The following NSUN6 variants were observed in gnomAD, a reference collection of about 807,000 sequenced individuals.
NSUN6 encodes the protein tRNA (cytosine(72)-C(5))-methyltransferase NSUN6.
Under a neutral mutation model 58.0 loss-of-function variants are expected in NSUN6, and 64 were observed. The observed-to-expected ratio is 1.10, with a 90% CI of 0.90 to 1.36. The LOEUF (loss-of-function observed/expected upper bound fraction) is 1.36. NSUN6 is among the 40% of genes most tolerant of loss of function. NSUN6 has a pLI of 0.00. For missense variants in NSUN6, 701 were observed against 550.1 expected (o/e 1.27, Z -2.74); for synonymous variants, 231 against 193.9 (o/e 1.19, Z -1.59).
rs1361304088 is a variant in NSUN6 at position 18,616,166 on chromosome 10, T to G, written c.421+18A>C. 1.5e-6 allele frequency: 2 copies of G among 1,328,182 alleles called. No individual in the cohort carries two copies. The highest frequency in any genetic ancestry group is 2.2e-6 in the Non-Finnish European group (2 of 926,392). The allele number at this position is 1,328,182 out of a possible 1,614,324, so 82.3% of individuals were successfully genotyped here. ...AATTTTAGAGAACCTTAAAGACAAATCTAAACATTATACTTACATTGTGAT... is the reference window on the plus strand; with the variant it reads ...AATTTTAGAGAACCTTAAAGACAAAGCTAAACATTATACTTACATTGTGAT... On this transcript the variant is annotated intron_variant, in intron 4 of 10. Transcript: ENST00000377304.
rs2131599691 is a variant in NSUN6 at position 18,648,656 on chromosome 10, G to GAAA, written c.76-12_76-11insTTT. On this transcript the variant is annotated splice_polypyrimidine_tract_variant and intron_variant, in intron 1 of 10. Transcript: ENST00000377304. ...TAAAGCAGTCACAATCTAAAAAGAAGTTCATGTTTAAATTTCCTGAGAATT... is the reference window on the plus strand; with the variant it reads ...TAAAGCAGTCACAATCTAAAAAGAAGAAATTCATGTTTAAATTTCCTGAGAATT... 1.9e-6 allele frequency: 3 copies of GAAA among 1,550,168 alleles called. No homozygotes were observed. Among genetic ancestry groups the GAAA allele is most frequent in the Non-Finnish European group, 2.7e-6 (3 of 1,127,356 alleles).
At chr10:18,583,261 A>G (rs946316767) in intron 8 of NSUN6, among the ~76,000 whole-genome samples, 8 of 152,080 alleles carry the variant, frequency 5.3e-5, no homozygotes, top group African/African-American at 1.7e-4. Flanking sequence ...CTTTTACCGT[A>G]ATTTGCCATT....
chr10:18,553,845 AGAATG>A (rs963157657), intron 8 of NSUN6, among the ~76,000 whole-genome samples: 22 of 151,076 alleles, frequency 1.5e-4, no homozygotes, highest in Non-Finnish European at 3.0e-4. Context: ...AATAGAATGG[AGAATG>A]GAATGGAATA....
At position 18,642,498 on chromosome 10, in the gene NSUN6, G is replaced by C; in HGVS notation, c.289C>G (p.Leu97Val). Residue 97 changes from leucine (L) to valine (V), a missense_variant, in exon 3 of 11, where the codon CTT becomes GTT. Physicochemically the swap from Leu to Val is conservative, Grantham distance 32 (BLOSUM62 1). Coordinates refer to ENST00000377304, the MANE Select transcript of NSUN6 (RefSeq NM_182543.5). The part of the protein sequence containing the change: ...LQHPDLQDVL[L>V]IPVIGPRKNI... The stretch of plus-strand genomic sequence containing the variant: ...AACCTGGGTCCAATAACAGGAATAA[G>C]TAACACATCTTGAAGGTCTGGATGT... 6.5e-7 allele frequency: 1 copy of C among 1,542,130 alleles called. No homozygotes were observed. The highest frequency in any genetic ancestry group is 1.7e-4 in the Middle Eastern group (1 of 5,818).
intron 8 of NSUN6, among the ~76,000 whole-genome samples, chr10:18,555,729 G>C (rs1373672534): frequency 1.3e-5 from 2 of 149,560 alleles, no homozygotes; most frequent in African/African-American, 2.5e-5. Context: ...ATGGACAATG[G>C]GTTAGAATGG....
intron 7 of NSUN6, among the ~76,000 whole-genome samples, chr10:18,590,173 T>C (rs1445386419): frequency 2.0e-5 from 3 of 152,152 alleles, no homozygotes. Flanking sequence ...GGGCATTACA[T>C]AATGACAAAA....
At chr10:18,606,388 G>A (rs1160140751) in intron 6 of NSUN6, among the ~76,000 whole-genome samples, 1 of 33,526 alleles carries the variant, frequency 3.0e-5, no homozygotes, top group Non-Finnish European at 6.1e-5. Flanking sequence ...AACAAGGCAA[G>A]ATAGTTATCG....
chr10:18,645,174 A>G (rs1007680176), intron 2 of NSUN6, among the ~76,000 whole-genome samples: 19 of 151,980 alleles, frequency 1.3e-4, no homozygotes, highest in Admixed American at 2.6e-4. Flanking sequence ...AAAAAAAAAA[A>G]AAAAGAAAAT....
chr10:18,583,503 G>A (rs184022748), intron 8 of NSUN6, among the ~76,000 whole-genome samples: 1 of 152,262 alleles, frequency 6.6e-6, no homozygotes, highest in East Asian at 1.9e-4. Flanking sequence ...CCCATTGGTA[G>A]GGGAGAAAAA....
chr10:18,623,942 G>C (rs1235575056), intron 3 of NSUN6, among the ~76,000 whole-genome samples: 1 of 152,088 alleles, frequency 6.6e-6, no homozygotes, highest in Non-Finnish European at 1.5e-5. Context: ...CCCCATTCTG[G>C]ATCCTTCTTG....
intron 3 of NSUN6, among the ~76,000 whole-genome samples, chr10:18,618,547 T>C (rs1370881397): frequency 6.6e-6 from 1 of 151,892 alleles, no homozygotes; most frequent in Non-Finnish European, 1.5e-5. Flanking sequence ...CCAGGCATGG[T>C]GGCGCATGCC....
chr10:18,594,124 C>T lies in NSUN6; in HGVS notation c.777+2084G>A, dbSNP rs140075498. ...CTGAGGCATGAGAATCGCTCAAACCCGGGAGGCGGAGGTTGCAGTAAGCCA... is the reference window on the plus strand; with the variant it reads ...CTGAGGCATGAGAATCGCTCAAACCTGGGAGGCGGAGGTTGCAGTAAGCCA... On this transcript the variant is annotated intron_variant, in intron 7 of 10. Coordinates refer to ENST00000377304, the MANE Select transcript of NSUN6 (RefSeq NM_182543.5). 8.8e-3 allele frequency among the ~76,000 whole-genome samples: 1,319 copies of T among 150,628 alleles called. 16 individuals are homozygous for T. Among genetic ancestry groups the T allele is most frequent in the South Asian group, 0.033 (156 of 4,754 alleles).
At chr10:18,659,091 TAGC>T (rs2059810084), upstream of NSUN6, 2 of 153,304 alleles carry the variant, frequency 1.3e-5, no homozygotes, top group African/African-American at 4.8e-5. Flanking sequence ...AAGCAGCTGC[TAGC>T]AGCAGAGACT....
chr10:18,643,149 A>C (rs2059437581), intron 2 of NSUN6, among the ~76,000 whole-genome samples: 1 of 151,846 alleles, frequency 6.6e-6, no homozygotes, highest in South Asian at 2.1e-4. Flanking sequence ...TGTAGCTACC[A>C]GGGAACATGG....
rs1346342669 is a variant in NSUN6, at chr10:18,593,965, C to T, written c.777+2243G>A. Among the ~76,000 whole-genome samples the T allele has an allele frequency of 8.6e-5, 13 of 151,760 alleles. No individual in the cohort carries two copies. The South Asian group carries it at 1.3e-3, about 15-fold the overall frequency. Reference sequence around the variant, plus strand: ...CTGTAATCCCAGCACTTTGGGAGGCCGGGGCAGGCAGATCACTTGAGGCCA... The same window carrying T: ...CTGTAATCCCAGCACTTTGGGAGGCTGGGGCAGGCAGATCACTTGAGGCCA... On this transcript the variant is annotated intron_variant, in intron 7 of 10. Coordinates refer to ENST00000377304, the MANE Select transcript of NSUN6 (RefSeq NM_182543.5).
At chr10:18,595,692 T>C (rs1413581744) in intron 7 of NSUN6, among the ~76,000 whole-genome samples, 2 of 152,248 alleles carry the variant, frequency 1.3e-5, no homozygotes, top group Non-Finnish European at 2.9e-5. Flanking sequence ...CTTTTCTCTT[T>C]TTTGATTCTC....
At chr10:18,616,880 T>C (rs145910828) in intron 3 of NSUN6, among the ~76,000 whole-genome samples, 117 of 152,130 alleles carry the variant, frequency 7.7e-4, no homozygotes, top group African/African-American at 2.6e-3. Flanking sequence ...TAACAATGAG[T>C]CTCTAATAAG....
rs566799931 is a variant in NSUN6, at chr10:18,638,465, A to G, written c.311+4011T>C. ...TCAAAACAAAACAAAACAAACAAAAAAGAAGAACTAAGAGGAAATAATCAA... is the reference window on the plus strand; with the variant it reads ...TCAAAACAAAACAAAACAAACAAAAGAGAAGAACTAAGAGGAAATAATCAA... On this transcript the variant is annotated intron_variant, in intron 3 of 10. Transcript: ENST00000377304. 1.6e-4 allele frequency among the ~76,000 whole-genome samples: 24 copies of G among 152,226 alleles called. 1 individual carries two copies. The South Asian group carries it at 5.0e-3, about 32-fold the overall frequency.
intron 8 of NSUN6, among the ~76,000 whole-genome samples, chr10:18,558,489 T>C (rs1047846276): frequency 8.4e-5 from 12 of 142,754 alleles, no homozygotes; most frequent in African/African-American, 3.1e-4. Context: ...AGGAATAGAA[T>C]ATGGAATGGA....
Sources: gnomAD v4.1 joint callset for allele counts (sites outside exome capture counted in the v4.1 genomes callset) on GRCh38, gnomAD v4.1.1 for gene constraint, MANE v1.5 for transcripts, NCBI Gene and HGNC (gene_info 2026-07-23, HGNC 2026-07-21) for gene names.